The following KCNQ2 variants were observed in gnomAD, a reference collection of about 807,000 sequenced individuals.
The protein encoded by KCNQ2 is potassium voltage-gated channel subfamily KQT member 2.
Under a neutral mutation model 84.8 loss-of-function variants are expected in KCNQ2, and 14 were observed. The ratio of observed to expected loss-of-function variants is 0.17; its 90% CI spans 0.11 to 0.26. The LOEUF is 0.26. Among genes scored for constraint, KCNQ2 ranks in the 10% least tolerant of loss-of-function variants. The pLI is 1.00. For synonymous variants in KCNQ2, 599 were observed against 554.1 expected (o/e 1.08, Z -1.14); for missense variants, 788 against 1,254.0 (o/e 0.63, Z 5.61).
At chr20:63,430,666 C>G (rs2080763792) in intron 9 of KCNQ2, among the ~76,000 whole-genome samples, 2 of 152,250 alleles carry the variant, frequency 1.3e-5, no homozygotes, top group Admixed American at 6.5e-5. Flanking sequence ...GCTCTCCAGT[C>G]TGAACAAACA....
intron 11 of KCNQ2, among the ~76,000 whole-genome samples, chr20:63,423,330 C>T (rs746228801): frequency 2.0e-5 from 3 of 152,172 alleles, no homozygotes; most frequent in Non-Finnish European, 4.4e-5. Context: ...GGCAGCCAGG[C>T]GTCCATCTCG....
In KCNQ2 at chr20:63,425,114, T is replaced by C. The variant is rs2080589494; in HGVS notation, c.1218-908A>G. 6.6e-6 allele frequency among the ~76,000 whole-genome samples: 1 copy of C among 152,074 alleles called. No individual in the cohort carries two copies. The highest frequency in any genetic ancestry group is 1.9e-4 in the East Asian group (1 of 5,190). ...CGACATTCTCTGTGTCTCTGTGTCT[T>C]CTCCTCCTCTACCTCTGTAAGGACA... On this transcript the variant is annotated intron_variant, in intron 10 of 16. Coordinates refer to ENST00000359125, the MANE Select transcript of KCNQ2 (RefSeq NM_172107.4). The surrounding 1 kb of genome is among the most constrained non-coding windows in gnomAD (Gnocchi z 5.5).
intron 1 of KCNQ2, among the ~76,000 whole-genome samples, chr20:63,461,979 A>G (rs4809567): frequency 3.8e-5 from 2 of 52,532 alleles, no homozygotes; most frequent in Admixed American, 2.2e-4. Flanking sequence ...GGGAGGAGGC[A>G]GCACCTACCC....
chr20:63,428,318 C>A (rs1568905734), intron 10 of KCNQ2, 49 bp downstream of exon 10: 2 of 1,448,038 alleles, frequency 1.4e-6, no homozygotes, highest in South Asian at 1.2e-5. Context: ...CTGGGGCCCC[C>A]AGGAGGACTG....
chr20:63,407,314 A>G lies in KCNQ2; in HGVS notation c.1949T>C (p.Ile650Thr). ...GTAGGCCTCGGTCTCTGTCGGGGGG[A>G]TGCCCATCCGCTGCATGTAGATATT... The part of the protein sequence containing the change: ...LVNIYMQRMG[I>T]PPTETEAYFG... The change falls in exon 17 of 17, where the codon ATC (isoleucine) becomes ACC (threonine). Residue 650 changes from isoleucine (I) to threonine (T), a missense_variant. Ile to Thr is a moderately conservative substitution (Grantham distance 89). This residue lies in a region of KCNQ2 where 378 missense variants were observed against 434.5 expected (regional missense o/e 0.87). Coordinates refer to ENST00000359125, the MANE Select transcript of KCNQ2 (RefSeq NM_172107.4). This position sits in a 1 kb window ranked among gnomAD's most constrained non-coding sequence, Gnocchi z 7.2. 6.3e-7 allele frequency: 1 copy of G among 1,596,054 alleles called. No individual in the cohort carries two copies. Among genetic ancestry groups the G allele is most frequent in the South Asian group, 1.1e-5 (1 of 90,958 alleles).
chr20:63,462,158 G>A (rs1198074849), intron 1 of KCNQ2, among the ~76,000 whole-genome samples: 3 of 130,702 alleles, frequency 2.3e-5, no homozygotes, highest in East Asian at 2.4e-4. Flanking sequence ...CAGGGAGGAG[G>A]CTGCACCTAC....
At chr20:63,442,935 C>T (rs796157868) in intron 4 of KCNQ2, among the ~76,000 whole-genome samples, 22 of 20,576 alleles carry the variant, frequency 1.1e-3, no homozygotes, top group Non-Finnish European at 1.2e-3. Context: ...ATCACCATCA[C>T]CACCACCATC....
At chr20:63,429,195 AC>A (rs2080721366) in intron 9 of KCNQ2, among the ~76,000 whole-genome samples, 1 of 112,188 alleles carries the variant, frequency 8.9e-6, no homozygotes, top group Admixed American at 9.1e-5. Flanking sequence ...CACTCTGCCC[AC>A]TCCTCCTCAC....
intron 1 of KCNQ2, among the ~76,000 whole-genome samples, 182 bp from the exon 2 acceptor site, chr20:63,447,019 A>G (rs1432991911): frequency 7.3e-6 from 1 of 136,616 alleles, no homozygotes; most frequent in East Asian, 2.6e-4. Flanking sequence ...GCCAGAGGGC[A>G]CCCCCATAGC....
In KCNQ2 at chr20:63,407,265, C is replaced by T. The variant is rs777059029; in HGVS notation, c.1998G>A (p.Pro666=). 12 of 1,596,790 alleles carry T rather than the reference C, an allele frequency of 7.5e-6. No homozygotes were observed. Among genetic ancestry groups the T allele is most frequent in the Admixed American group, 1.7e-5 (1 of 59,910 alleles). ...EAYFGAKEPE[P]APPYHSPEDS... The stretch of plus-strand genomic sequence containing the variant: ...CTTCCGGGCTGTGGTACGGCGGCGC[C>T]GGCTCCGGCTCTTTGGCCCCAAAGT... The change falls in exon 17 of 17, where the codon CCG becomes CCA. Residue 666 remains proline, a synonymous_variant. Coordinates refer to ENST00000359125, the MANE Select transcript of KCNQ2 (RefSeq NM_172107.4). The surrounding 1 kb of genome is among the most constrained non-coding windows in gnomAD (Gnocchi z 7.2).
rs1451711606 is a variant in KCNQ2, at chr20:63,449,533, T to A, written c.297-2696A>T. ...AGCGTTGGCCGCAGTGCCTGGAGGG[T>A]CTGGAGGGTTTGGGGAGCAGAGGTC... On this transcript the variant is annotated intron_variant, in intron 1 of 16. Transcript: ENST00000359125. 6.6e-5 allele frequency among the ~76,000 whole-genome samples: 10 copies of A among 152,002 alleles called. 1 individual carries two copies. Among genetic ancestry groups the A allele is most frequent in the Admixed American group, 6.5e-4 (10 of 15,276 alleles).
chr20:63,453,988 G>A (rs2081696808), intron 1 of KCNQ2, among the ~76,000 whole-genome samples: 1 of 152,104 alleles, frequency 6.6e-6, no homozygotes, highest in Non-Finnish European at 1.5e-5. Context: ...AAAAAACGAG[G>A]CCCAGGTCCC....
chr20:63,436,377 A>G (rs556452593), intron 7 of KCNQ2, among the ~76,000 whole-genome samples: 14 of 152,214 alleles, frequency 9.2e-5, no homozygotes, highest in Admixed American at 3.9e-4. Context: ...TAAAAATACA[A>G]AAAATTAGCC....
Position 63,423,904 on chromosome 20 carries a change from TG to T in KCNQ2, c.1247+272del, listed in dbSNP as rs1202449945. On this transcript the variant is annotated intron_variant, in intron 11 of 16. Transcript: ENST00000359125. ...CCTGGGGCCAGACTTGTGGGCGGGG[TG>T]GGGGATCCCCCACCCCCGAGAAGCC... is the stretch of plus-strand genomic sequence containing the variant. 6.0e-5 allele frequency: 26 copies of T among 434,048 alleles called. No individual in the cohort carries two copies. The East Asian group carries it at 6.6e-4, about 11-fold the overall frequency. The allele number at this position is 434,048 out of a possible 1,614,324, so 26.9% of individuals were successfully genotyped here. A position where few individuals can be genotyped will look rare whatever the true frequency, so the allele number is the denominator to read the frequency against.
intron 9 of KCNQ2, among the ~76,000 whole-genome samples, chr20:63,429,830 G>A (rs1241188126): frequency 1.3e-5 from 2 of 152,222 alleles, no homozygotes; most frequent in African/African-American, 4.8e-5. Context: ...AGGCAGGTGT[G>A]AGCTGGTAAA....
intron 1 of KCNQ2, chr20:63,471,051 A>C (rs1202250225): frequency 1.3e-5 from 2 of 152,258 alleles, no homozygotes; most frequent in Non-Finnish European, 2.9e-5. Context: ...GGGTCTGCTA[A>C]GGGCACACTC....
Position 63,438,754 on chromosome 20 carries a change from G to A in KCNQ2, c.928-34C>T, listed in dbSNP as rs753480697. On this transcript the variant is annotated intron_variant, in intron 6 of 16. Transcript: ENST00000359125. The surrounding 1 kb of genome is among the most constrained non-coding windows in gnomAD (Gnocchi z 5.1). ...CATCAGGGTCAGGTCACACCCCAGG[G>A]ACCCCCCACACCCCAATTCATCAGG... 1.9e-6 allele frequency: 3 copies of A among 1,586,540 alleles called. No homozygotes were observed. The South Asian group carries it at 3.3e-5, about 18-fold the overall frequency.
At chr20:63,451,880 G>A (rs533272678) in intron 1 of KCNQ2, among the ~76,000 whole-genome samples, 1 of 152,358 alleles carries the variant, frequency 6.6e-6, no homozygotes, top group East Asian at 1.9e-4. Flanking sequence ...AGCGGCCTCT[G>A]CTGCACGGCC....
chr20:63,408,426 T>C lies in KCNQ2; in HGVS notation c.1874A>G (p.Lys625Arg), dbSNP rs1375735623. Residue 625 changes from lysine to arginine, a missense_variant, in exon 16 of 17, where the codon AAG becomes AGG. By Grantham distance (26) the Lys-to-Arg change is conservative. Around this residue, in one of 8 missense-constraint regions of KCNQ2, gnomAD observed 378 missense variants for 434.5 expected, o/e 0.87. Coordinates refer to ENST00000359125, the MANE Select transcript of KCNQ2 (RefSeq NM_172107.4). The surrounding 1 kb of genome is among the most constrained non-coding windows in gnomAD (Gnocchi z 5.0). ...EDPSMMGRLG[K>R]VEKQVLSMEK... ...AGCCTCTCGCACCTGCTTCTCCACCTTCCCGAGCCGTCCCATCATGCTGGG... is the reference window on the plus strand; with the variant it reads ...AGCCTCTCGCACCTGCTTCTCCACCCTCCCGAGCCGTCCCATCATGCTGGG... The C allele has an allele frequency of 2.5e-6, 4 of 1,608,410 alleles. No individual in the cohort carries two copies. The South Asian group carries it at 4.4e-5, about 18-fold the overall frequency.
Sources: gnomAD v4.1 joint callset for allele counts (sites outside exome capture counted in the v4.1 genomes callset) on GRCh38, gnomAD v4.1.1 for gene constraint, gnomAD v4.1.1 regional missense constraint, Gnocchi (gnomAD v3.1) non-coding constraint, MANE v1.5 for transcripts, NCBI Gene and HGNC (gene_info 2026-07-23, HGNC 2026-07-21) for gene names.